GABRB3: variants seen among roughly 807,000 people sequenced by gnomAD.
GABRB3 encodes gamma-aminobutyric acid receptor subunit beta-3.
Under a neutral mutation model 52.1 loss-of-function variants are expected in GABRB3, and 14 were observed. The ratio of observed to expected loss-of-function variants is 0.27; its 90% CI spans 0.18 to 0.42. The LOEUF (loss-of-function observed/expected upper bound fraction) is 0.42, where lower values mean the gene tolerates loss of function less well. Among genes scored for constraint, GABRB3 ranks in the 10% least tolerant of loss-of-function variants. The pLI is 1.00. For missense variants in GABRB3, 307 were observed against 609.1 expected (o/e 0.50, Z 5.22); for synonymous variants, 260 against 232.3 (o/e 1.12, Z -1.08).
At chr15:26,676,661 A>C (rs1371817143) in intron 3 of GABRB3, among the ~76,000 whole-genome samples, 1 of 152,196 alleles carries the variant, frequency 6.6e-6, no homozygotes, top group African/African-American at 2.4e-5. Flanking sequence ...TTAGGCATAC[A>C]TACACTCCTA....
intron 3 of GABRB3, chr15:26,642,479 C>T (rs1694646251): frequency 7.8e-7 from 1 of 1,288,796 alleles, no homozygotes; most frequent in Non-Finnish European, 1.0e-6. Flanking sequence ...ATCTATAAGC[C>T]ACGTTAGTTC....
intron 3 of GABRB3, chr15:26,749,878 T>A (rs536354394): frequency 6.6e-6 from 1 of 152,296 alleles, no homozygotes; most frequent in South Asian, 2.1e-4. Flanking sequence ...CAACGCAGCA[T>A]CATTCCTCAA....
intron 3 of GABRB3, among the ~76,000 whole-genome samples, chr15:26,677,081 G>C (rs1321638573): frequency 6.6e-6 from 1 of 152,134 alleles, no homozygotes; most frequent in Non-Finnish European, 1.5e-5. Flanking sequence ...CGATAAGTTG[G>C]ATCCCAGTTG....
At chr15:26,663,995 T>G (rs2140617038) in intron 3 of GABRB3, among the ~76,000 whole-genome samples, 1 of 152,374 alleles carries the variant, frequency 6.6e-6, no homozygotes, top group South Asian at 2.1e-4. Context: ...TTGTCCTCTA[T>G]TAAGTCCTTT....
At chr15:26,655,760 C>T (rs1320067158) in intron 3 of GABRB3, among the ~76,000 whole-genome samples, 1 of 151,788 alleles carries the variant, frequency 6.6e-6, no homozygotes, top group African/African-American at 2.4e-5. Flanking sequence ...AAAAAAAACC[C>T]TCGGTTTCTG....
At chr15:26,564,987 C>T (rs908116452) in intron 7 of GABRB3, among the ~76,000 whole-genome samples, 1 of 152,144 alleles carries the variant, frequency 6.6e-6, no homozygotes, top group African/African-American at 2.4e-5. Flanking sequence ...TATATGACTT[C>T]GTACCAGTTA....
rs536326372 is a variant in GABRB3 at position 26,664,969 on chromosome 15, G to A, written c.241-43435C>T. ...CCCACCTTGGCCTCCCAAAGTGCTG[G>A]GATTACAGGCGTGAACGCCCTTATC... On this transcript the variant is annotated intron_variant, in intron 3 of 8. Coordinates refer to ENST00000311550, the MANE Select transcript of GABRB3 (RefSeq NM_000814.6). Among the ~76,000 whole-genome samples, 103 of 151,986 alleles carry A rather than the reference G, an allele frequency of 6.8e-4. 1 individual carries two copies. The highest frequency in any genetic ancestry group is 1.1e-3 in the Admixed American group (17 of 15,276).
intron 3 of GABRB3, among the ~76,000 whole-genome samples, chr15:26,683,717 G>A (rs1465832654): frequency 2.0e-5 from 3 of 152,062 alleles, no homozygotes; most frequent in Admixed American, 6.5e-5. Context: ...TGCTCCTAGG[G>A]GGCAGGGTCG....
At chr15:26,771,715 A>G (rs1303084650) in intron 3 of GABRB3, 1 of 152,222 alleles carries the variant, frequency 6.6e-6, no homozygotes, top group African/African-American at 2.4e-5. Flanking sequence ...GCATTCACAG[A>G]AGACCTAAGT....
chr15:26,772,659 C>T (rs776387034), intron 2 of GABRB3, 22 bp downstream of exon 2: 5 of 1,543,964 alleles, frequency 3.2e-6, no homozygotes, highest in Non-Finnish European at 3.5e-6. Context: ...CTTCCCGCAA[C>T]GGCCGCGCGC....
rs150272471 is a variant in GABRB3 at position 26,562,319 on chromosome 15, G to A, written c.836-1143C>T. Among the ~76,000 whole-genome samples, 601 of 152,276 alleles carry A rather than the reference G, an allele frequency of 3.9e-3. 3 individuals carry two copies. The highest frequency in any genetic ancestry group is 0.014 in the African/African-American group (578 of 41,556). ...CTTTGAGGGCTGAGCTCTTTTCTACGTATGCCACTGATGCCACTGAATGTG... is the reference window on the plus strand; with the variant it reads ...CTTTGAGGGCTGAGCTCTTTTCTACATATGCCACTGATGCCACTGAATGTG... On this transcript the variant is annotated intron_variant, in intron 7 of 8. Coordinates refer to ENST00000311550, the MANE Select transcript of GABRB3 (RefSeq NM_000814.6).
Position 26,547,409 on chromosome 15 carries a change from T to C in GABRB3, c.*384A>G. 1 of 436,378 alleles carries C rather than the reference T, an allele frequency of 2.3e-6. No homozygotes were observed. The highest frequency in any genetic ancestry group is 3.3e-5 in the East Asian group (1 of 30,306). The allele number at this position is 436,378 out of a possible 1,614,324, so 27.0% of individuals were successfully genotyped here. A position where few individuals can be genotyped will look rare whatever the true frequency, so the allele number is the denominator to read the frequency against. ...ATACAAGACACATTTGGGGATGATA[T>C]TGTGTTTCACGCCCTCATTCTCAAG... On this transcript the variant is annotated 3_prime_UTR_variant, in exon 9 of 9. Coordinates refer to ENST00000311550, the MANE Select transcript of GABRB3 (RefSeq NM_000814.6).
chr15:26,666,663 T>C (rs1887722370), intron 3 of GABRB3: 1 of 152,208 alleles, frequency 6.6e-6, no homozygotes, highest in Non-Finnish European at 1.5e-5. Flanking sequence ...CTCTTGCCTC[T>C]TCAGGGATTC....
chr15:26,652,118 C>T (rs1407293027), intron 3 of GABRB3, among the ~76,000 whole-genome samples: 1 of 152,216 alleles, frequency 6.6e-6, no homozygotes, highest in Non-Finnish European at 1.5e-5. Flanking sequence ...CTTATCTTAA[C>T]TCAGGCATTC....
chr15:26,605,054 C>T (rs1343964510), intron 4 of GABRB3, among the ~76,000 whole-genome samples: 1 of 152,072 alleles, frequency 6.6e-6, no homozygotes, highest in Non-Finnish European at 1.5e-5. Context: ...GTATAAGGTG[C>T]TCAAACAACT....
At chr15:26,766,002 T>C (rs562840913) in intron 3 of GABRB3, among the ~76,000 whole-genome samples, 1 of 152,136 alleles carries the variant, frequency 6.6e-6, no homozygotes, top group Non-Finnish European at 1.5e-5. Flanking sequence ...TCTAAAAAAA[T>C]GGAGATGAGG....
intron 3 of GABRB3, chr15:26,625,384 T>C: frequency 1.5e-6 from 1 of 651,038 alleles, no homozygotes; most frequent in Non-Finnish European, 1.9e-6. Flanking sequence ...AAAAGTATCC[T>C]TTTCTTCAAT....
chr15:26,599,310 G>C (rs573509191), intron 4 of GABRB3, among the ~76,000 whole-genome samples: 2 of 152,346 alleles, frequency 1.3e-5, no homozygotes, highest in African/African-American at 4.8e-5. Context: ...TCCAGCTTGA[G>C]CTGGGAGGTC....
intron 4 of GABRB3, among the ~76,000 whole-genome samples, chr15:26,601,406 T>C (rs1160358953): frequency 6.8e-6 from 1 of 146,772 alleles, no homozygotes; most frequent in Non-Finnish European, 1.5e-5. Flanking sequence ...CGAAACTCCG[T>C]CTCAAAGAAA....
Sources: gnomAD v4.1 joint callset for allele counts (sites outside exome capture counted in the v4.1 genomes callset) on GRCh38, gnomAD v4.1.1 for gene constraint, MANE v1.5 for transcripts, NCBI Gene and HGNC (gene_info 2026-07-23, HGNC 2026-07-21) for gene names.